The following CHST9 variants were observed in gnomAD, a reference collection of about 807,000 sequenced individuals.
CHST9 encodes GalNAc-4-sulfotransferase 2.
A neutral mutation model predicts 44.4 loss-of-function variants in CHST9; 41 were observed. The observed-to-expected ratio is 0.92, with a 90% CI of 0.72 to 1.20. The LOEUF is 1.20. CHST9 is among the 50% of genes most tolerant of loss of function. CHST9 has a pLI of 0.00. For synonymous variants in CHST9, 171 were observed against 178.4 expected (o/e 0.96, Z 0.33); for missense variants, 504 against 516.5 (o/e 0.98, Z 0.23).
rs199794305 is a variant in CHST9 at position 26,953,068 on chromosome 18, T to G, written c.203-8702A>C. ...GATTTTAATTGATTTATTATTAGCC[T>G]TTCACTTCTTGGAGTTCAAGAATAT... On this transcript the variant is annotated intron_variant, in intron 4 of 5. Transcript: ENST00000618847. Among the ~76,000 whole-genome samples, 5 of 152,326 alleles carry G rather than the reference T, an allele frequency of 3.3e-5. No homozygotes were observed. The East Asian group carries it at 9.6e-4, about 29-fold the overall frequency.
At chr18:26,995,511 C>T (rs2056877882) in intron 4 of CHST9, among the ~76,000 whole-genome samples, 2 of 151,290 alleles carry the variant, frequency 1.3e-5, no homozygotes, top group South Asian at 4.2e-4. Context: ...GCTAAGCTGG[C>T]TGGATTCCCG....
intron 2 of CHST9, among the ~76,000 whole-genome samples, chr18:27,107,254 T>C (rs1339357682): frequency 6.6e-6 from 1 of 152,210 alleles, no homozygotes; most frequent in Admixed American, 6.5e-5. Flanking sequence ...TACTGAAGTT[T>C]CCGCCAGTGG....
At chr18:27,167,877 C>A (rs564444638) in intron 1 of CHST9, among the ~76,000 whole-genome samples, 6 of 152,066 alleles carry the variant, frequency 3.9e-5, no homozygotes, top group Non-Finnish European at 7.4e-5. Flanking sequence ...TATCAAAATG[C>A]TCTGAAACAG....
intron 4 of CHST9, among the ~76,000 whole-genome samples, chr18:26,987,068 C>T (rs965070463): frequency 6.6e-6 from 1 of 152,224 alleles, no homozygotes; most frequent in African/African-American, 2.4e-5. Context: ...ATTTGATCCC[C>T]GATGGGGCAG....
intron 4 of CHST9, among the ~76,000 whole-genome samples, chr18:26,990,336 G>A (rs1172705733): frequency 6.6e-6 from 1 of 152,200 alleles, no homozygotes; most frequent in African/African-American, 2.4e-5. Flanking sequence ...ATGGCATAGA[G>A]CTGAGTGTTA....
At chr18:26,975,029 G>T (rs1159624299) in intron 4 of CHST9, among the ~76,000 whole-genome samples, 3 of 152,180 alleles carry the variant, frequency 2.0e-5, no homozygotes, top group Non-Finnish European at 2.9e-5. Flanking sequence ...GGGGCTCTAG[G>T]CACCTTGCTC....
chr18:26,988,823 A>T (rs2056783734), intron 4 of CHST9, among the ~76,000 whole-genome samples: 1 of 152,194 alleles, frequency 6.6e-6, no homozygotes, highest in Non-Finnish European at 1.5e-5. Context: ...AAAAGTATTC[A>T]AGTCATGTAA....
intron 3 of CHST9, among the ~76,000 whole-genome samples, chr18:27,048,206 A>G (rs1598670176): frequency 6.6e-6 from 1 of 152,324 alleles, no homozygotes; most frequent in South Asian, 2.1e-4. Context: ...CTTACCTTTA[A>G]ATAGATAATC....
At chr18:26,999,798 AAAGTT>A (rs1448482729) in intron 4 of CHST9, among the ~76,000 whole-genome samples, 1 of 152,240 alleles carries the variant, frequency 6.6e-6, no homozygotes, top group Non-Finnish European at 1.5e-5. Context: ...TGGTAGTAGT[AAAGTT>A]ATTATTATCT....
At chr18:26,934,003 T>C (rs1459415648) in intron 5 of CHST9, among the ~76,000 whole-genome samples, 1 of 152,002 alleles carries the variant, frequency 6.6e-6, no homozygotes, top group Admixed American at 6.5e-5. Context: ...ACATGGCCAG[T>C]GGGTGCAAAG....
At chr18:27,154,488 T>C (rs2058683140) in intron 1 of CHST9, among the ~76,000 whole-genome samples, 1 of 152,058 alleles carries the variant, frequency 6.6e-6, no homozygotes, top group Admixed American at 6.6e-5. Context: ...GGGAGTGGAA[T>C]GATCAGCTTT....
At chr18:27,130,078 T>C (rs1345112784) in intron 2 of CHST9, among the ~76,000 whole-genome samples, 1 of 152,182 alleles carries the variant, frequency 6.6e-6, no homozygotes, top group African/African-American at 2.4e-5. Flanking sequence ...TCCAGTTTTG[T>C]TACCTACTGG....
At chr18:27,100,118 G>T (rs1049078448) in intron 2 of CHST9, among the ~76,000 whole-genome samples, 1 of 152,058 alleles carries the variant, frequency 6.6e-6, no homozygotes, top group African/African-American at 2.4e-5. Context: ...TAACACGAGT[G>T]CAGCTGGAAA....
At chr18:27,166,076 C>G (rs1283902326) in intron 1 of CHST9, among the ~76,000 whole-genome samples, 1 of 152,194 alleles carries the variant, frequency 6.6e-6, no homozygotes, top group Non-Finnish European at 1.5e-5. Flanking sequence ...TCATCCCTTT[C>G]TCTTTCTTCT....
At chr18:27,157,196 A>G (rs1207610807) in intron 1 of CHST9, among the ~76,000 whole-genome samples, 1 of 151,966 alleles carries the variant, frequency 6.6e-6, no homozygotes, top group Non-Finnish European at 1.5e-5. Context: ...TGGAAGATTG[A>G]TTTTTTTCCT....
chr18:27,046,164 A>G (rs2057497772), intron 3 of CHST9, among the ~76,000 whole-genome samples: 2 of 152,022 alleles, frequency 1.3e-5, no homozygotes, highest in African/African-American at 4.8e-5. Flanking sequence ...GCACATGTTT[A>G]CAAACATAAT....
chr18:27,092,617 A>G (rs2143721689), intron 2 of CHST9, among the ~76,000 whole-genome samples: 1 of 152,256 alleles, frequency 6.6e-6, no homozygotes, highest in South Asian at 2.1e-4. Context: ...ACTGCTTTAA[A>G]TGTGTCCCAG....
intron 4 of CHST9, among the ~76,000 whole-genome samples, chr18:26,977,498 C>G (rs1442044442): frequency 1.3e-5 from 2 of 151,452 alleles, no homozygotes; most frequent in African/African-American, 2.4e-5. Flanking sequence ...ATGTAGAAAG[C>G]CAAGGCTGCC....
chr18:27,085,501 T>C (rs1438384553), intron 2 of CHST9, among the ~76,000 whole-genome samples: 2 of 151,836 alleles, frequency 1.3e-5, no homozygotes, highest in Non-Finnish European at 2.9e-5. Context: ...ACACAAGTGG[T>C]CAATAAACAT....
Sources: allele counts gnomAD v4.1 joint callset (sites outside exome capture counted in the v4.1 genomes callset), GRCh38; gene constraint gnomAD v4.1.1; transcripts MANE v1.5; gene names NCBI Gene and HGNC (gene_info 2026-07-23, HGNC 2026-07-21).